INPP4B: variants seen among roughly 807,000 people sequenced by gnomAD.
The protein encoded by INPP4B is inositol polyphosphate-4-phosphatase type II B.
A neutral mutation model predicts 122.5 loss-of-function variants in INPP4B; 55 were observed. The observed-to-expected ratio is 0.45, with a 90% CI of 0.36 to 0.56. The LOEUF is 0.56. Ranked by LOEUF, INPP4B falls within the 20% of genes least tolerant of loss-of-function variation. The pLI, the probability that INPP4B is intolerant of heterozygous loss-of-function variation, is 0.00. For missense variants in INPP4B, 1,000 were observed against 1,097.7 expected (o/e 0.91, Z 1.26); for synonymous variants, 403 against 388.7 (o/e 1.04, Z -0.43).
At chr4:142,545,699 GTATA>G (rs1553955865) in intron 2 of INPP4B, among the ~76,000 whole-genome samples, 2 of 116,062 alleles carry the variant, frequency 1.7e-5, no homozygotes, top group Non-Finnish European at 1.8e-5. Context: ...ATATATATGT[GTATA>G]TATATGTGTG....
intron 1 of INPP4B, among the ~76,000 whole-genome samples, chr4:142,790,257 C>T (rs1171861117): frequency 2.6e-5 from 4 of 151,090 alleles, no homozygotes; most frequent in Admixed American, 6.6e-5. Context: ...AAAAAGGAAC[C>T]GTCAGCAGAG....
intron 1 of INPP4B, among the ~76,000 whole-genome samples, chr4:142,782,104 G>A (rs1456754853): frequency 6.6e-6 from 1 of 151,844 alleles, no homozygotes; most frequent in African/African-American, 2.4e-5. Flanking sequence ...TTAGCATTAG[G>A]TATATCTCCT....
chr4:142,644,266 AGGAGGAGGAGTGGG>A (rs1751218264), intron 2 of INPP4B, among the ~76,000 whole-genome samples: 2 of 142,324 alleles, frequency 1.4e-5, no homozygotes, highest in South Asian at 5.1e-4. Flanking sequence ...GGGGGTCAGG[AGGAGGAGGAGTGGG>A]GGAGGAGGAG....
At chr4:142,370,699 CA>C (rs1469676568) in intron 7 of INPP4B, among the ~76,000 whole-genome samples, 2 of 151,480 alleles carry the variant, frequency 1.3e-5, no homozygotes, top group East Asian at 1.9e-4. Flanking sequence ...ATAGCTACAA[CA>C]AAAAAACACC....
intron 2 of INPP4B, among the ~76,000 whole-genome samples, chr4:142,713,456 G>A (rs900445654): frequency 6.6e-6 from 1 of 152,172 alleles, no homozygotes; most frequent in African/African-American, 2.4e-5. Context: ...TGGAATGAGA[G>A]AGTAAGCGAA....
chr4:142,765,962 T>A (rs1420460521), intron 1 of INPP4B: 1 of 152,082 alleles, frequency 6.6e-6, no homozygotes, highest in Non-Finnish European at 1.5e-5. Context: ...TCTGTTGAAT[T>A]TTTCCAGCCC....
At chr4:142,066,957 T>C (rs336374) in intron 25 of INPP4B, among the ~76,000 whole-genome samples, 137,084 of 152,192 alleles carry the variant, frequency 0.9, 62,892 homozygotes, top group Non-Finnish European at 0.98. Context: ...CCTTGTCTGA[T>C]GGGTTTGAAG....
intron 2 of INPP4B, among the ~76,000 whole-genome samples, chr4:142,514,014 A>G (rs776653057): frequency 6.6e-5 from 10 of 152,202 alleles, no homozygotes; most frequent in Non-Finnish European, 1.2e-4. Context: ...GGGGCTGGCT[A>G]GAGAGGAGAA....
In INPP4B at chr4:142,449,563, G is replaced by A. The variant is rs1405412047; in HGVS notation, c.-127+13100C>T. On this transcript the variant is annotated intron_variant, in intron 3 of 25. Coordinates refer to ENST00000262992, the MANE Select transcript of INPP4B (RefSeq NM_001101669.3). ...CTAAAAATACAAAAATTAGCTGGGT[G>A]TGGTGGCGCATGCCTGTAATCCCAG... 4.6e-5 allele frequency among the ~76,000 whole-genome samples: 7 copies of A among 152,216 alleles called. No individual in the cohort carries two copies. The South Asian group carries it at 1.5e-3, about 32-fold the overall frequency.
At chr4:142,124,512 A>G (rs1797882980) in intron 19 of INPP4B, 76 bp downstream of exon 19, 7 of 1,316,262 alleles carry the variant, frequency 5.3e-6, no homozygotes, top group Admixed American at 1.9e-5. Flanking sequence ...TCCCAATAAG[A>G]ATTCTATTCA....
intron 25 of INPP4B, among the ~76,000 whole-genome samples, chr4:142,079,892 A>C (rs1368265895): frequency 3.3e-5 from 5 of 152,130 alleles, no homozygotes; most frequent in Admixed American, 3.3e-4. Flanking sequence ...ACAAACATAA[A>C]ACTACAAGGA....
At position 142,752,659 on chromosome 4, in the gene INPP4B, G is replaced by A. The variant is rs115246876; in HGVS notation, c.-253-26758C>T. On this transcript the variant is annotated intron_variant, in intron 1 of 25. Coordinates refer to ENST00000262992, the MANE Select transcript of INPP4B (RefSeq NM_001101669.3). ...ATGCAGCTGTCAGGCAGCAAGAGTC[G>A]TACAGGAATCTTACAGATCCTCTGT... Among the ~76,000 whole-genome samples, 1,311 of 152,104 alleles carry A rather than the reference G, an allele frequency of 8.6e-3. 27 individuals are homozygous for A. Among genetic ancestry groups the A allele is most frequent in the African/African-American group, 0.03 (1,238 of 41,516 alleles).
In INPP4B at chr4:142,028,624, C is replaced by CTGA. The variant is rs1211749200; in HGVS notation, c.*155_*157dup. On this transcript the variant is annotated 3_prime_UTR_variant, in exon 26 of 26. Transcript: ENST00000262992. ...AATGGATTTCTTTCAGAGCAATATG[C>CTGA]TGATGATGAATTGAAGTAGTTCCTA... The CTGA allele has an allele frequency of 6.0e-6, 4 of 668,354 alleles. No homozygotes were observed. Among genetic ancestry groups the CTGA allele is most frequent in the African/African-American group, 1.8e-5 (1 of 54,998 alleles). 41.4% of individuals were successfully genotyped at this position (668,354 alleles called of 1,614,324 possible).
At chr4:142,816,041 T>A (rs1009692991) in intron 1 of INPP4B, among the ~76,000 whole-genome samples, 2 of 152,140 alleles carry the variant, frequency 1.3e-5, no homozygotes, top group African/African-American at 2.4e-5. Flanking sequence ...AGTGTTTCTG[T>A]GGCAACAGAC....
intron 7 of INPP4B, among the ~76,000 whole-genome samples, chr4:142,348,725 T>C (rs560676050): frequency 6.6e-6 from 1 of 152,168 alleles, no homozygotes; most frequent in East Asian, 1.9e-4. Flanking sequence ...AAAATGTCCC[T>C]AGTGAACAAT....
intron 1 of INPP4B, among the ~76,000 whole-genome samples, chr4:142,733,608 A>T (rs1265747280): frequency 4.6e-5 from 7 of 151,462 alleles, no homozygotes; most frequent in East Asian, 3.9e-4. Context: ...AGGCTGAATT[A>T]AAAAAAAAGA....
chr4:142,179,408 G>A (rs2152970547), intron 15 of INPP4B, among the ~76,000 whole-genome samples: 1 of 150,020 alleles, frequency 6.7e-6, no homozygotes, highest in South Asian at 2.1e-4. Context: ...GGGAGGTGGA[G>A]GTTGCAGTGA....
intron 9 of INPP4B, 31 bp from the exon 10 acceptor site, chr4:142,270,805 T>C: frequency 6.9e-7 from 1 of 1,439,622 alleles, no homozygotes; most frequent in South Asian, 1.1e-5. Context: ...AATGGAAAGG[T>C]AAGAAGCTTC....
At chr4:142,657,901 C>T (rs183941838) in intron 2 of INPP4B, among the ~76,000 whole-genome samples, 13 of 152,136 alleles carry the variant, frequency 8.5e-5, no homozygotes, top group African/African-American at 2.2e-4. Context: ...TTTTTGACAC[C>T]GGGCTTTTCA....
Sources: allele counts gnomAD v4.1 joint callset (sites outside exome capture counted in the v4.1 genomes callset), GRCh38; gene constraint gnomAD v4.1.1; transcripts MANE v1.5; gene names NCBI Gene and HGNC (gene_info 2026-07-23, HGNC 2026-07-21).